The following ADCY9 variants were observed in gnomAD, a reference collection of about 807,000 sequenced individuals.
ADCY9 encodes the protein adenylate cyclase type 9.
ADCY9 carries 50 observed loss-of-function variants against 101.5 expected under a neutral mutation model. The observed-to-expected ratio is 0.49, with a 90% confidence interval of 0.39 to 0.62. ADCY9 has a LOEUF of 0.62. Ranked by LOEUF, ADCY9 falls within the 20% of genes least tolerant of loss-of-function variation. The pLI is 0.00. For missense variants in ADCY9, 1,662 were observed against 1,800.4 expected, an observed-to-expected ratio of 0.92 and a Z score of 1.39; for synonymous variants, 905 against 769.3, an observed-to-expected ratio of 1.18 and a Z score of -2.92.
At chr16:4,077,727 C>T (rs551030726) in intron 2 of ADCY9, among the ~76,000 whole-genome samples, 1 of 152,110 alleles carries the variant, frequency 6.6e-6, no homozygotes, top group African/African-American at 2.4e-5. Flanking sequence ...AGGCCAGGCG[C>T]GGTGACTCAC....
chr16:3,974,736 T>C, intron 9 of ADCY9, 26 bp from the exon 10 acceptor site: 2 of 1,598,408 alleles, frequency 1.3e-6, no homozygotes, highest in Non-Finnish European at 1.7e-6. Flanking sequence ...AGAAAAATAT[T>C]ATCATAAAGA....
intron 2 of ADCY9, among the ~76,000 whole-genome samples, chr16:4,057,557 C>T (rs905475101): frequency 2.6e-5 from 4 of 152,156 alleles, no homozygotes; most frequent in Non-Finnish European, 4.4e-5. Flanking sequence ...GCACTATCTC[C>T]CCGCCAGCCC....
intron 2 of ADCY9, among the ~76,000 whole-genome samples, chr16:4,067,974 G>T (rs868431227): frequency 6.6e-6 from 1 of 152,112 alleles, no homozygotes; most frequent in Non-Finnish European, 1.5e-5. Flanking sequence ...GGGAAAAACC[G>T]TGGCAATAAT....
chr16:4,082,757 C>T (rs149343933), intron 2 of ADCY9, among the ~76,000 whole-genome samples: 1 of 152,300 alleles, frequency 6.6e-6, no homozygotes, highest in African/African-American at 2.4e-5. Context: ...CACACGCACA[C>T]ACACCATGCA....
intron 7 of ADCY9, among the ~76,000 whole-genome samples, chr16:3,980,750 A>G (rs2056134553): frequency 6.6e-6 from 1 of 152,232 alleles, no homozygotes; most frequent in African/African-American, 2.4e-5. Flanking sequence ...AATACTTCCA[A>G]GAATAACCAC....
intron 2 of ADCY9, among the ~76,000 whole-genome samples, chr16:4,084,198 G>A (rs79863877): frequency 0.13 from 19,573 of 151,846 alleles, 1,437 homozygotes; most frequent in East Asian, 0.21. Flanking sequence ...AGCAACCTCC[G>A]CCTCCTGGGT....
chr16:4,089,286 G>A lies in ADCY9; in HGVS notation c.1693+24464C>T, dbSNP rs572610814. On this transcript the variant is annotated intron_variant, in intron 2 of 10. Coordinates refer to ENST00000294016, the MANE Select transcript of ADCY9 (RefSeq NM_001116.4). Reference sequence around the variant, plus strand: ...TTGACATGTTGCCCAGGCTGGTCTCGAACTCCTGGGCTCAAGCGATCGAAA... The same window carrying A: ...TTGACATGTTGCCCAGGCTGGTCTCAAACTCCTGGGCTCAAGCGATCGAAA... Among the ~76,000 whole-genome samples the A allele has an allele frequency of 1.2e-4, 18 of 151,968 alleles. 1 individual carries two copies. Among genetic ancestry groups the A allele is most frequent in the Non-Finnish European group, 2.5e-4 (17 of 67,974 alleles).
intron 2 of ADCY9, among the ~76,000 whole-genome samples, chr16:4,075,283 C>G (rs565151279): frequency 1.3e-5 from 2 of 152,296 alleles, no homozygotes; most frequent in East Asian, 3.9e-4. Context: ...GGATTACAGG[C>G]ATGTGCCACC....
At chr16:3,973,050 T>G (rs1294125391) in intron 10 of ADCY9, among the ~76,000 whole-genome samples, 1 of 152,224 alleles carries the variant, frequency 6.6e-6, no homozygotes, top group Non-Finnish European at 1.5e-5. Flanking sequence ...TATAAATACC[T>G]AGTTGTACCT....
chr16:4,107,859 T>C (rs765747752), intron 2 of ADCY9, among the ~76,000 whole-genome samples: 5 of 150,478 alleles, frequency 3.3e-5, no homozygotes, highest in Non-Finnish European at 7.5e-5. Context: ...CCGTCCACTG[T>C]CGGTCTGTCG....
At chr16:4,005,511 G>A (rs898821727) in intron 3 of ADCY9, among the ~76,000 whole-genome samples, 5 of 152,216 alleles carry the variant, frequency 3.3e-5, no homozygotes, top group Non-Finnish European at 5.9e-5. Flanking sequence ...TTACAGGCGT[G>A]AGCCACCATG....
intron 2 of ADCY9, among the ~76,000 whole-genome samples, chr16:4,040,563 C>A (rs1415514212): frequency 1.3e-5 from 2 of 151,590 alleles, no homozygotes; most frequent in African/African-American, 4.8e-5. Context: ...TTCATGCGAT[C>A]CTCCCACTTC....
At chr16:4,035,374 C>T (rs887219588) in intron 2 of ADCY9, among the ~76,000 whole-genome samples, 9 of 152,116 alleles carry the variant, frequency 5.9e-5, no homozygotes, top group African/African-American at 1.9e-4. Flanking sequence ...ATATATAATA[C>T]ACAATGATAT....
At chr16:3,998,500 G>A (rs2056304829) in intron 3 of ADCY9, among the ~76,000 whole-genome samples, 2 of 151,878 alleles carry the variant, frequency 1.3e-5, no homozygotes, top group Non-Finnish European at 2.9e-5. Flanking sequence ...CACAAGGTCA[G>A]GAGATTGAGA....
rs529608398 is a variant in ADCY9, at chr16:3,984,943, G to C, written c.2311-1503C>G. Among the ~76,000 whole-genome samples, 15 of 152,252 alleles carry C rather than the reference G, an allele frequency of 9.9e-5. No homozygotes were observed. The East Asian group carries it at 2.9e-3, about 29-fold the overall frequency. On this transcript the variant is annotated intron_variant, in intron 6 of 10. Transcript: ENST00000294016. ...GGAGGGCAGGAGGGGCACTTGGACG[G>C]TGGGAGCAAGGCTGCCAGTCAGCCC...
intron 2 of ADCY9, among the ~76,000 whole-genome samples, chr16:4,071,978 C>G (rs1386226664): frequency 2.0e-5 from 3 of 152,160 alleles, no homozygotes; most frequent in Non-Finnish European, 4.4e-5. Flanking sequence ...ATTGCAATCT[C>G]TGTGTGCACA....
chr16:4,053,066 G>A (rs1029490762), intron 2 of ADCY9, among the ~76,000 whole-genome samples: 4 of 152,182 alleles, frequency 2.6e-5, no homozygotes, highest in African/African-American at 4.8e-5. Context: ...GTTTTAAGAT[G>A]TTTTGACATG....
At chr16:4,092,558 G>A (rs2056980170) in intron 2 of ADCY9, among the ~76,000 whole-genome samples, 1 of 151,980 alleles carries the variant, frequency 6.6e-6, no homozygotes, top group African/African-American at 2.4e-5. Context: ...TCTATTTCTA[G>A]TACATAAGCA....
At chr16:4,046,324 C>A (rs79028067) in intron 2 of ADCY9, among the ~76,000 whole-genome samples, 8,136 of 152,184 alleles carry the variant, frequency 0.053, 772 homozygotes, top group African/African-American at 0.19. Context: ...ATTCCCCCCA[C>A]GCCCCCGAAC....
Sources: gnomAD v4.1 joint callset for allele counts (sites outside exome capture counted in the v4.1 genomes callset) on GRCh38, gnomAD v4.1.1 for gene constraint, MANE v1.5 for transcripts, NCBI Gene and HGNC (gene_info 2026-07-23, HGNC 2026-07-21) for gene names.